The following SRSF12 variants were observed in gnomAD, a reference collection of about 807,000 sequenced individuals.
SRSF12 encodes the protein serine/arginine-rich splicing factor 12.
Under a neutral mutation model 34.1 loss-of-function variants are expected in SRSF12, and 21 were observed. The observed-to-expected ratio is 0.62, with a 90% CI of 0.44 to 0.89. The LOEUF (loss-of-function observed/expected upper bound fraction) is 0.89. Among genes scored for constraint, SRSF12 ranks in the 40% least tolerant of loss-of-function variants. The pLI is 0.00. For missense variants in SRSF12, 278 were observed against 327.8 expected (o/e 0.85, Z 1.17); for synonymous variants, 111 against 110.8 (o/e 1.00, Z -0.01).
At chr6:89,099,450 ATGTGTG>A (rs1405711927) in intron 4 of SRSF12, among the ~76,000 whole-genome samples, 1,489 of 138,668 alleles carry the variant, frequency 0.011, 15 homozygotes, top group East Asian at 0.061. Context: ...ACACATATAT[ATGTGTG>A]TATATATGTG....
intron 4 of SRSF12, among the ~76,000 whole-genome samples, chr6:89,104,223 CTTTTTT>C (rs138798211): frequency 4.4e-4 from 54 of 123,498 alleles, no homozygotes; most frequent in Non-Finnish European, 5.3e-4. Context: ...AACTCATCAC[CTTTTTT>C]TTTTTTTTTT....
intron 4 of SRSF12, among the ~76,000 whole-genome samples, chr6:89,100,399 A>C (rs1370851402): frequency 1.3e-5 from 2 of 152,210 alleles, no homozygotes; most frequent in African/African-American, 4.8e-5. Flanking sequence ...ACAACACCCA[A>C]AACCAAGCCT....
At chr6:89,106,473 A>C (rs1768792327) in intron 2 of SRSF12, among the ~76,000 whole-genome samples, 1 of 152,194 alleles carries the variant, frequency 6.6e-6, no homozygotes, top group Non-Finnish European at 1.5e-5. Context: ...AGCAATCTGT[A>C]AATATCTGGA....
intron 4 of SRSF12, among the ~76,000 whole-genome samples, chr6:89,102,959 C>T (rs1768605510): frequency 6.6e-6 from 1 of 152,106 alleles, no homozygotes; most frequent in South Asian, 2.1e-4. Flanking sequence ...ACATGGGGGT[C>T]TCACTATGTT....
intron 1 of SRSF12, 90 bp downstream of exon 1, chr6:89,117,733 G>T: frequency 7.6e-7 from 1 of 1,317,266 alleles, no homozygotes; most frequent in South Asian, 1.7e-5. Context: ...CAGCTCCCCC[G>T]AGCCTCCGCC....
At position 89,117,874 on chromosome 6, in the gene SRSF12, G is replaced by A. The variant is rs1274194844; in HGVS notation, c.14C>T (p.Thr5Met). 1.9e-6 allele frequency: 3 copies of A among 1,562,724 alleles called. No individual in the cohort carries two copies. The highest frequency in any genetic ancestry group is 1.4e-5 in the African/African-American group (1 of 70,580). MSRY[T>M]RPPNTSLFIR... ...GAACAGGGAGGTGTTGGGGGGCCTC[G>A]TGTAGCGAGACATGACCGCTTCCTC... Residue 5 changes from threonine to methionine, a missense_variant, in exon 1 of 5, where the codon ACG (threonine) becomes ATG (methionine). Physicochemically the swap from Thr to Met is moderately conservative, Grantham distance 81. Transcript: ENST00000452027.
chr6:89,101,398 G>A (rs1768534271), intron 4 of SRSF12, among the ~76,000 whole-genome samples: 1 of 152,108 alleles, frequency 6.6e-6, no homozygotes, highest in Admixed American at 6.6e-5. Context: ...ACATCACAGT[G>A]AAACTGATGA....
intron 1 of SRSF12, among the ~76,000 whole-genome samples, chr6:89,107,647 C>T (rs1045722132): frequency 9.9e-5 from 15 of 152,048 alleles, no homozygotes; most frequent in African/African-American, 3.4e-4. Flanking sequence ...GGGAGAATCA[C>T]CTGAGTGAGC....
intron 1 of SRSF12, among the ~76,000 whole-genome samples, chr6:89,112,313 T>C (rs1769089758): frequency 6.6e-6 from 1 of 152,232 alleles, no homozygotes; most frequent in African/African-American, 2.4e-5. Context: ...CTTCTGCTTT[T>C]AATTTTTTAA....
At chr6:89,112,858 C>T (rs994955122) in intron 1 of SRSF12, among the ~76,000 whole-genome samples, 1 of 152,012 alleles carries the variant, frequency 6.6e-6, no homozygotes, top group African/African-American at 2.4e-5. Context: ...GACAGGTGTA[C>T]CTTTTAAAAA....
At chr6:89,100,982 A>G (rs4343894) in intron 4 of SRSF12, among the ~76,000 whole-genome samples, 112,134 of 151,880 alleles carry the variant, frequency 0.74, 41,480 homozygotes, top group East Asian at 0.84. Flanking sequence ...GTGCATGCCT[A>G]TAATCCCAGC....
At chr6:89,117,304 C>T (rs1282366982) in intron 1 of SRSF12, among the ~76,000 whole-genome samples, 1 of 152,204 alleles carries the variant, frequency 6.6e-6, no homozygotes, top group Admixed American at 6.5e-5. Context: ...CAAGCAGCAC[C>T]GTCTGTAAGT....
rs1768302903 is a variant in SRSF12 at position 89,096,969 on chromosome 6, G to A, written c.*1609C>T. ...TTATAGCGGAATAATTCAAAGAGTT[G>A]TAGTTTTGAAATAAATTTTGCTATG... On this transcript the variant is annotated 3_prime_UTR_variant, in exon 5 of 5. Transcript: ENST00000452027. 1 of 152,172 alleles carries A rather than the reference G, an allele frequency of 6.6e-6. No individual in the cohort carries two copies. Among genetic ancestry groups the A allele is most frequent in the African/African-American group, 2.4e-5 (1 of 41,446 alleles). The allele number at this position is 152,172 out of a possible 1,614,324, so 9.4% of individuals were successfully genotyped here. A position where few individuals can be genotyped will look rare whatever the true frequency, so the allele number is the denominator to read the frequency against.
rs957005635 is a variant in SRSF12, at chr6:89,097,290, A to C, written c.*1288T>G. On this transcript the variant is annotated 3_prime_UTR_variant, in exon 5 of 5. Coordinates refer to ENST00000452027, the MANE Select transcript of SRSF12 (RefSeq NM_080743.5). ...AGTATACAAGTAGAGCTCTATAAAT[A>C]TATCCCCTATAATAATCATATGCAA... The C allele has an allele frequency of 2.0e-5, 3 of 152,312 alleles. No homozygotes were observed. The highest frequency in any genetic ancestry group is 6.5e-5 in the Admixed American group (1 of 15,292). The allele number at this position is 152,312 out of a possible 1,614,324, so 9.4% of individuals were successfully genotyped here.
At chr6:89,107,030 G>T in intron 2 of SRSF12, 124 bp downstream of exon 2, 1 of 1,021,192 alleles carries the variant, frequency 9.8e-7, no homozygotes. Context: ...TAGATCTTCT[G>T]AGATAAAGAA....
In SRSF12 at chr6:89,098,621, G is replaced by T. The variant is rs140575590; in HGVS notation, c.743C>A (p.Ser248Ter). ...VQTAKHSHFR[S>*]HSRSRSYRHK... Reference sequence around the variant, plus strand: ...ACGATAACTTCGAGATCTGGAATGTGACCGAAAATGAGAATGCTTTGCTGT... The same window carrying T: ...ACGATAACTTCGAGATCTGGAATGTTACCGAAAATGAGAATGCTTTGCTGT... Residue 248 changes from serine to a stop codon, truncating the protein, a stop_gained, in exon 5 of 5, where the codon TCA (serine) becomes TAA (stop). Coordinates refer to ENST00000452027, the MANE Select transcript of SRSF12 (RefSeq NM_080743.5). LOFTEE classifies it high-confidence loss of function. The T allele has an allele frequency of 1.2e-6, 2 of 1,613,674 alleles. No individual in the cohort carries two copies. Among genetic ancestry groups the T allele is most frequent in the African/African-American group, 1.3e-5 (1 of 75,058 alleles).
At chr6:89,099,819 G>C (rs995171928) in intron 4 of SRSF12, among the ~76,000 whole-genome samples, 2 of 152,112 alleles carry the variant, frequency 1.3e-5, no homozygotes, top group African/African-American at 4.8e-5. Flanking sequence ...ACAGGCGTGA[G>C]CTACCACACC....
In SRSF12 at chr6:89,105,458, A is replaced by G; in HGVS notation, c.243T>C (p.Ile81=). 6.2e-7 allele frequency: 1 copy of G among 1,610,702 alleles called. No homozygotes were observed. The highest frequency in any genetic ancestry group is 8.5e-7 in the Non-Finnish European group (1 of 1,178,966). The change falls in exon 3 of 5, where the codon ATT becomes ATC. Residue 81 remains isoleucine (I), a synonymous_variant. Transcript: ENST00000452027. ...GATCACCTTGTGCAAACTGTATTTC[A>G]ATCTGACGGCCACATACCCACTTTC... The part of the protein sequence containing the change: ...LNRKWVCGRQ[I]EIQFAQGDRK...
At chr6:89,115,493 G>A (rs952059299) in intron 1 of SRSF12, among the ~76,000 whole-genome samples, 12 of 151,654 alleles carry the variant, frequency 7.9e-5, no homozygotes, top group African/African-American at 2.9e-4. Flanking sequence ...GGTAGGCCAG[G>A]TTGGTCTCGA....
Sources: gnomAD v4.1 joint callset for allele counts (sites outside exome capture counted in the v4.1 genomes callset) on GRCh38, gnomAD v4.1.1 for gene constraint, MANE v1.5 for transcripts, NCBI Gene and HGNC (gene_info 2026-07-23, HGNC 2026-07-21) for gene names.